Variants in ZNF385D observed in about 807,000 individuals in gnomAD.
ZNF385D encodes the protein zinc finger protein 385D.
A neutral mutation model predicts 35.8 loss-of-function variants in ZNF385D; 15 were observed. The ratio of observed to expected loss-of-function variants is 0.42; its 90% CI spans 0.28 to 0.64. ZNF385D has a LOEUF of 0.64. Among genes scored for constraint, ZNF385D ranks in the 30% least tolerant of loss-of-function variants. The pLI, the probability that ZNF385D is intolerant of heterozygous loss-of-function variation, is 0.23. For missense variants in ZNF385D, 474 were observed against 494.6 expected (o/e 0.96, Z 0.39); for synonymous variants, 212 against 186.8 (o/e 1.13, Z -1.10).
intron 2 of ZNF385D, among the ~76,000 whole-genome samples, chr3:22,290,220 T>C (rs1242689796): frequency 6.6e-6 from 1 of 152,100 alleles, no homozygotes; most frequent in Non-Finnish European, 1.5e-5. Flanking sequence ...TGTTGGGAAT[T>C]CCTTCCTTAC....
chr3:22,006,065 A>C (rs575479624), intron 3 of ZNF385D, among the ~76,000 whole-genome samples: 1 of 152,272 alleles, frequency 6.6e-6, no homozygotes, highest in Admixed American at 6.5e-5. Flanking sequence ...ATTTAAATAC[A>C]GTCCAGGGTA....
In ZNF385D at chr3:21,574,767, A is replaced by C. The variant is rs892951354; in HGVS notation, c.166-10083T>G. Among the ~76,000 whole-genome samples the C allele has an allele frequency of 1.6e-4, 24 of 152,234 alleles. 1 individual carries two copies. The highest frequency in any genetic ancestry group is 1.1e-3 in the Admixed American group (17 of 15,284). On this transcript the variant is annotated intron_variant, in intron 2 of 7. Coordinates refer to ENST00000281523, the MANE Select transcript of ZNF385D (RefSeq NM_024697.3). ...TGATGGATTTTTAGATTTTCATTAT[A>C]CTATTCTATCCTTATACATGTTCAG... is the stretch of plus-strand genomic sequence containing the variant.
At chr3:21,978,896 C>G (rs1285723120) in intron 3 of ZNF385D, among the ~76,000 whole-genome samples, 1 of 151,902 alleles carries the variant, frequency 6.6e-6, no homozygotes, top group African/African-American at 2.4e-5. Flanking sequence ...ATTTACTTTT[C>G]CCAAGAAAAG....
intron 3 of ZNF385D, among the ~76,000 whole-genome samples, chr3:21,880,719 G>A (rs544335284): frequency 3.2e-4 from 48 of 152,110 alleles, no homozygotes; most frequent in Non-Finnish European, 5.3e-4. Context: ...AAGAAGGCAT[G>A]TCAAAAGCTG....
At chr3:21,501,772 A>G (rs1316792795) in intron 4 of ZNF385D, among the ~76,000 whole-genome samples, 1 of 152,232 alleles carries the variant, frequency 6.6e-6, no homozygotes, top group Non-Finnish European at 1.5e-5. Flanking sequence ...CATAAAAATG[A>G]GGAGGAAAAA....
In ZNF385D at chr3:21,424,012, G is replaced by C; in HGVS notation, c.905C>G (p.Pro302Arg). 1 of 1,605,942 alleles carries C rather than the reference G, an allele frequency of 6.2e-7. No homozygotes were observed. The highest frequency in any genetic ancestry group is 8.5e-7 in the Non-Finnish European group (1 of 1,177,510). Residue 302 changes from proline to arginine, a missense_variant, in exon 7 of 8, where the codon CCT becomes CGT. Coordinates refer to ENST00000281523, the MANE Select transcript of ZNF385D (RefSeq NM_024697.3). ...TAGTTTGTTGTAAGGACTGTATTTA[G>C]GTTTCGGGGGCTTCCCAGCAGCTCT... ...KDRAAGKPPKPKYSPYNKLQK... is the reference protein window; with the variant it reads ...KDRAAGKPPKRKYSPYNKLQK...
In ZNF385D at chr3:21,676,084, A is replaced by G. The variant is rs531013160; in HGVS notation, c.23-11056T>C. On this transcript the variant is annotated intron_variant, in intron 1 of 7. Transcript: ENST00000281523. ...GAAACCTAACTGTTGTTGGCATGTC[A>G]CTGTCACCAGCATCAAATTAAATAA... 3.3e-5 allele frequency among the ~76,000 whole-genome samples: 5 copies of G among 152,238 alleles called. 1 individual carries two copies. The South Asian group carries it at 1.0e-3, about 32-fold the overall frequency.
chr3:21,895,003 A>G (rs980211652), intron 3 of ZNF385D, among the ~76,000 whole-genome samples: 1 of 152,144 alleles, frequency 6.6e-6, no homozygotes, highest in Non-Finnish European at 1.5e-5. Context: ...GCATGCATAA[A>G]GTGAAGTAGG....
At chr3:22,133,909 A>G (rs1703951845) in intron 3 of ZNF385D, 2 of 140,400 alleles carry the variant, frequency 1.4e-5, no homozygotes, top group South Asian at 4.3e-4. Context: ...TATTGCCAGA[A>G]AAAAAAACAA....
At chr3:22,212,920 A>C (rs1310199140) in intron 2 of ZNF385D, among the ~76,000 whole-genome samples, 1 of 151,924 alleles carries the variant, frequency 6.6e-6, no homozygotes, top group African/African-American at 2.4e-5. Flanking sequence ...TTAACTAAGG[A>C]AAAAAAATCA....
At chr3:22,205,264 A>C (rs1025693800) in intron 2 of ZNF385D, among the ~76,000 whole-genome samples, 2 of 152,086 alleles carry the variant, frequency 1.3e-5, no homozygotes, top group African/African-American at 4.8e-5. Context: ...TAGTATATTT[A>C]GTGAAAATAT....
At position 21,419,808 on chromosome 3, in the gene ZNF385D, A is replaced by AT. The variant is rs564129204; in HGVS notation, c.*1405dup. 10 of 151,862 alleles carry AT rather than the reference A, an allele frequency of 6.6e-5. No homozygotes were observed. The highest frequency in any genetic ancestry group is 4.1e-4 in the South Asian group (2 of 4,830). The allele number at this position is 151,862 out of a possible 1,614,324, so 9.4% of individuals were successfully genotyped here. The stretch of plus-strand genomic sequence containing the variant: ...ATGGTTATATAATTATTTTATATAG[A>AT]TTTTTTCTTTTTATAACTTATTCTC... On this transcript the variant is annotated 3_prime_UTR_variant, in exon 8 of 8. Transcript: ENST00000281523.
At chr3:21,573,438 A>G (rs2063393506) in intron 2 of ZNF385D, among the ~76,000 whole-genome samples, 1 of 152,210 alleles carries the variant, frequency 6.6e-6, no homozygotes. Context: ...AAAAATGGAG[A>G]AAAATTTGGC....
At chr3:21,423,893 C>A (rs1700862163) in intron 7 of ZNF385D, 70 bp downstream of exon 7, 4 of 1,484,572 alleles carry the variant, frequency 2.7e-6, no homozygotes, top group Non-Finnish European at 2.8e-6. Context: ...TGGCAAAATG[C>A]CAGAACAAAT....
intron 3 of ZNF385D, among the ~76,000 whole-genome samples, chr3:21,834,467 C>T (rs980368929): frequency 2.0e-5 from 3 of 152,108 alleles, no homozygotes; most frequent in African/African-American, 7.2e-5. Flanking sequence ...AGGAAGAATC[C>T]TACAGCTCTG....
At chr3:22,101,647 T>G (rs759762423) in intron 3 of ZNF385D, among the ~76,000 whole-genome samples, 1 of 151,960 alleles carries the variant, frequency 6.6e-6, no homozygotes, top group Admixed American at 6.6e-5. Context: ...TAGCTACTAA[T>G]AGAACAATAG....
intron 2 of ZNF385D, among the ~76,000 whole-genome samples, chr3:22,305,106 CCTTT>C (rs1418479170): frequency 4.6e-5 from 7 of 152,092 alleles, no homozygotes; most frequent in South Asian, 2.1e-4. Context: ...TAGGTACCTT[CCTTT>C]AATCTTTCTT....
intron 2 of ZNF385D, among the ~76,000 whole-genome samples, chr3:21,600,115 A>G (rs2064239191): frequency 6.6e-6 from 1 of 152,206 alleles, no homozygotes; most frequent in Admixed American, 6.5e-5. Context: ...AATTTACCCT[A>G]TATGGTCTAA....
intron 3 of ZNF385D, among the ~76,000 whole-genome samples, chr3:22,002,482 C>T (rs1458037522): frequency 6.6e-6 from 1 of 152,108 alleles, no homozygotes; most frequent in Non-Finnish European, 1.5e-5. Context: ...AGCTTTACCA[C>T]TGAACTCTAC....
Sources: allele counts gnomAD v4.1 joint callset (sites outside exome capture counted in the v4.1 genomes callset), GRCh38; gene constraint gnomAD v4.1.1; transcripts MANE v1.5; gene names NCBI Gene and HGNC (gene_info 2026-07-23, HGNC 2026-07-21).